Variants in TTLL11 observed in about 807,000 individuals in gnomAD.
TTLL11 encodes tubulin tyrosine ligase like 11, also known as tubulin polyglutamylase TTLL11.
TTLL11 carries 42 observed loss-of-function variants against 51.7 expected under a neutral mutation model. That is an observed-to-expected ratio of 0.81 (90% confidence interval 0.64 to 1.05). TTLL11 has a LOEUF of 1.05. Among genes scored for constraint, TTLL11 ranks in the 50% least tolerant of loss-of-function variants. The probability of loss-of-function intolerance (pLI) is 0.00; values close to 1 mark genes in which losing one functional copy is unlikely to be tolerated. For synonymous variants in TTLL11, 381 were observed against 383.5 expected (o/e 0.99, Z 0.08); for missense variants, 799 against 940.4 (o/e 0.85, Z 1.97).
At chr9:121,917,083 C>T (rs952389224) in intron 6 of TTLL11, among the ~76,000 whole-genome samples, 1 of 152,168 alleles carries the variant, frequency 6.6e-6, no homozygotes, top group African/African-American at 2.4e-5. Flanking sequence ...TTGTGATGGG[C>T]CCATCCCCCT....
chr9:122,025,885 C>T (rs1474624506), intron 3 of TTLL11, among the ~76,000 whole-genome samples: 2 of 152,132 alleles, frequency 1.3e-5, no homozygotes, highest in Non-Finnish European at 2.9e-5. Flanking sequence ...CTGGAATCAA[C>T]CCAAATGTCC....
chr9:121,831,721 G>A (rs1837021908), intron 8 of TTLL11, among the ~76,000 whole-genome samples: 1 of 149,364 alleles, frequency 6.7e-6, no homozygotes, highest in African/African-American at 2.5e-5. Flanking sequence ...AAAAAGAATG[G>A]TTTTTGAGAA....
chr9:121,990,958 C>T (rs764535034), intron 3 of TTLL11, among the ~76,000 whole-genome samples: 2 of 152,102 alleles, frequency 1.3e-5, no homozygotes, highest in Non-Finnish European at 2.9e-5. Flanking sequence ...CTATGGAGAG[C>T]GGATGGACTG....
chr9:122,044,971 C>A lies in TTLL11; in HGVS notation c.463-5603G>T, dbSNP rs376211966. 4.6e-5 allele frequency among the ~76,000 whole-genome samples: 7 copies of A among 151,952 alleles called. No individual in the cohort carries two copies. The East Asian group carries it at 1.2e-3, about 25-fold the overall frequency. On this transcript the variant is annotated intron_variant, in intron 1 of 8. Coordinates refer to ENST00000321582, the MANE Select transcript of TTLL11 (RefSeq NM_001139442.2). ...AATACCTGAAAAATTAGCTGGGCAT[C>A]GTGGCATGCCTGTAGTCCCAACTAC...
intron 1 of TTLL11, among the ~76,000 whole-genome samples, chr9:122,085,641 A>G (rs1846104783): frequency 6.6e-6 from 1 of 152,236 alleles, no homozygotes; most frequent in Non-Finnish European, 1.5e-5. Context: ...CCCCCTGTTT[A>G]AGAAAAAATA....
Position 121,895,970 on chromosome 9 carries a change from GTGTGTGTC to G in TTLL11, c.1482-25230_1482-25223del, listed in dbSNP as rs1414188437. 7.0e-5 allele frequency among the ~76,000 whole-genome samples: 6 copies of G among 85,154 alleles called. No homozygotes were observed. The South Asian group carries it at 3.2e-3, about 45-fold the overall frequency. The allele number at this position is 85,154 out of a possible 152,430, so 55.9% of individuals were successfully genotyped here. Reference sequence around the variant, plus strand: ...TGTGGGTGTGGGTGTGTGGGTGTGGGTGTGTGTCTGTGGTGGGTGTTTTGTGTGAGTGT... The same window carrying G: ...TGTGGGTGTGGGTGTGTGGGTGTGGGTGTGGTGGGTGTTTTGTGTGAGTGT... On this transcript the variant is annotated intron_variant, in intron 6 of 8. Coordinates refer to ENST00000321582, the MANE Select transcript of TTLL11 (RefSeq NM_001139442.2).
chr9:122,039,712 T>G (rs1305444937), intron 1 of TTLL11, among the ~76,000 whole-genome samples: 1 of 152,136 alleles, frequency 6.6e-6, no homozygotes, highest in Non-Finnish European at 1.5e-5. Context: ...TAATTTAACA[T>G]GCCCAAGGGT....
chr9:121,840,299 G>A (rs998056041), intron 8 of TTLL11, among the ~76,000 whole-genome samples: 17 of 152,142 alleles, frequency 1.1e-4, no homozygotes, highest in African/African-American at 4.1e-4. Context: ...ACGTATCCTC[G>A]GATGCATGGA....
intron 6 of TTLL11, among the ~76,000 whole-genome samples, chr9:121,908,653 T>C (rs1371976524): frequency 1.3e-5 from 2 of 152,246 alleles, no homozygotes; most frequent in South Asian, 2.1e-4. Context: ...CAGTTGTTGA[T>C]TCAAGTCACT....
chr9:121,939,177 T>G (rs1244718157), intron 6 of TTLL11, among the ~76,000 whole-genome samples: 1 of 152,214 alleles, frequency 6.6e-6, no homozygotes, highest in Non-Finnish European at 1.5e-5. Flanking sequence ...TGCTGTATAA[T>G]ATTTCCTTTA....
intron 6 of TTLL11, among the ~76,000 whole-genome samples, chr9:121,873,382 CTTTTTT>C (rs71370697): frequency 9.0e-6 from 1 of 110,564 alleles, no homozygotes. Context: ...TCTTCTTCTC[CTTTTTT>C]TTTTTTTTTT....
intron 8 of TTLL11, among the ~76,000 whole-genome samples, chr9:121,857,033 C>G (rs2131375570): frequency 6.6e-6 from 1 of 152,346 alleles, no homozygotes; most frequent in African/African-American, 2.4e-5. Context: ...AAGAACTGGG[C>G]CCTGGCTGGC....
chr9:121,953,292 G>T (rs1164930850), intron 6 of TTLL11, among the ~76,000 whole-genome samples: 1 of 152,086 alleles, frequency 6.6e-6, no homozygotes, highest in East Asian at 1.9e-4. Flanking sequence ...TTTGTCTGGG[G>T]TACTATATAA....
rs371244121 is a variant in TTLL11, at chr9:122,044,393, C to G, written c.463-5025G>C. Reference sequence around the variant, plus strand: ...ATACCCAGTAATGGGATGGCTGGGTCAAATGGTATTTCTAGTTCTAGATCC... The same window carrying G: ...ATACCCAGTAATGGGATGGCTGGGTGAAATGGTATTTCTAGTTCTAGATCC... On this transcript the variant is annotated intron_variant, in intron 1 of 8. Transcript: ENST00000321582. Among the ~76,000 whole-genome samples the G allele has an allele frequency of 2.6e-5, 4 of 152,258 alleles. No homozygotes were observed. The East Asian group carries it at 5.8e-4, about 22-fold the overall frequency.
At chr9:121,843,130 G>C (rs114312227) in intron 8 of TTLL11, among the ~76,000 whole-genome samples, 3,875 of 151,798 alleles carry the variant, frequency 0.026, 104 homozygotes, top group African/African-American at 0.072. Context: ...GAGCGCAGTA[G>C]TTCAAGACCA....
rs181766577 is a variant in TTLL11, at chr9:121,981,628, G to A, written c.1270-6649C>T. 2.4e-3 allele frequency among the ~76,000 whole-genome samples: 373 copies of A among 152,284 alleles called. 2 individuals are homozygous for A. Among genetic ancestry groups the A allele is most frequent in the African/African-American group, 8.7e-3 (363 of 41,572 alleles). ...TTTATAATTGAATGCTGGACGTTGC[G>A]ATATTTCAATGCTGAGTGTCTGGAC... On this transcript the variant is annotated intron_variant, in intron 4 of 8. Transcript: ENST00000321582.
At chr9:121,932,935 CCA>C (rs1261954821) in intron 6 of TTLL11, among the ~76,000 whole-genome samples, 1 of 152,126 alleles carries the variant, frequency 6.6e-6, no homozygotes, top group African/African-American at 2.4e-5. Flanking sequence ...CAGGAAAAAA[CCA>C]CAGACTAAAT....
At chr9:121,934,839 G>A (rs1325133979) in intron 6 of TTLL11, among the ~76,000 whole-genome samples, 1 of 152,152 alleles carries the variant, frequency 6.6e-6, no homozygotes, top group African/African-American at 2.4e-5. Flanking sequence ...GTTTTTTACT[G>A]TTTCATCAAA....
Position 121,818,924 on chromosome 9 carries a change from C to G in TTLL11, c.*3663G>C, listed in dbSNP as rs1564255679. On this transcript the variant is annotated 3_prime_UTR_variant, in exon 9 of 9. Coordinates refer to ENST00000321582, the MANE Select transcript of TTLL11 (RefSeq NM_001139442.2). ...TTCAATAGGTGACTGGACGTCAGCT[C>G]TGTGGCTCTCCAAGTTCCTTCCAGA... is the stretch of plus-strand genomic sequence containing the variant. The G allele has an allele frequency of 1.3e-5, 2 of 152,452 alleles. No homozygotes were observed. Among genetic ancestry groups the G allele is most frequent in the Middle Eastern group, 3.1e-3 (1 of 322 alleles). 9.4% of individuals were successfully genotyped at this position (152,452 alleles called of 1,614,324 possible). A position where few individuals can be genotyped will look rare whatever the true frequency, so the allele number is the denominator to read the frequency against.
Sources: allele counts gnomAD v4.1 joint callset (sites outside exome capture counted in the v4.1 genomes callset), GRCh38; gene constraint gnomAD v4.1.1; transcripts MANE v1.5; gene names NCBI Gene and HGNC (gene_info 2026-07-23, HGNC 2026-07-21).